The following MDGA2 variants were observed in gnomAD, a reference collection of about 807,000 sequenced individuals.
MDGA2 encodes MAM domain-containing glycosylphosphatidylinositol anchor protein 2.
Under a neutral mutation model 117.8 loss-of-function variants are expected in MDGA2, and 40 were observed. That is an observed-to-expected ratio of 0.34 (90% CI 0.26 to 0.44). The LOEUF is 0.44. MDGA2 is among the 20% of genes least tolerant of loss of function. The pLI is 1.00. For missense variants in MDGA2, 1,123 were observed against 1,250.6 expected (o/e 0.90, Z 1.54); for synonymous variants, 452 against 439.0 (o/e 1.03, Z -0.37).
At chr14:46,859,288 C>T (rs1881411434) in intron 14 of MDGA2, among the ~76,000 whole-genome samples, 2 of 152,168 alleles carry the variant, frequency 1.3e-5, no homozygotes, top group Non-Finnish European at 2.9e-5. Flanking sequence ...CTTGCTCTCC[C>T]CACCTTTGTT....
intron 2 of MDGA2, among the ~76,000 whole-genome samples, chr14:47,237,491 T>G (rs1886902618): frequency 6.6e-6 from 1 of 152,138 alleles, no homozygotes; most frequent in East Asian, 1.9e-4. Flanking sequence ...TCTCAGTCAC[T>G]GAAATGGGGC....
At chr14:47,185,569 T>A (rs554281912) in intron 3 of MDGA2, among the ~76,000 whole-genome samples, 150 of 151,532 alleles carry the variant, frequency 9.9e-4, no homozygotes, top group African/African-American at 3.4e-3. Context: ...CTCAATAAAA[T>A]TAAATGAGAG....
chr14:47,248,760 G>C (rs1396602460), intron 2 of MDGA2, among the ~76,000 whole-genome samples: 1 of 151,798 alleles, frequency 6.6e-6, no homozygotes, highest in East Asian at 1.9e-4. Flanking sequence ...GGAGTATTAG[G>C]TTTATCAAAG....
At chr14:46,905,279 G>T (rs1247977349) in intron 10 of MDGA2, among the ~76,000 whole-genome samples, 1 of 152,102 alleles carries the variant, frequency 6.6e-6, no homozygotes. Context: ...GTTAGAAAAG[G>T]CTATTTTTAA....
intron 1 of MDGA2, among the ~76,000 whole-genome samples, chr14:47,561,271 G>T (rs1423886428): frequency 6.7e-6 from 1 of 150,330 alleles, no homozygotes; most frequent in Admixed American, 6.6e-5. Flanking sequence ...TGTGAAGAAT[G>T]TCATTGGTAG....
intron 3 of MDGA2, among the ~76,000 whole-genome samples, 189 bp from the exon 4 acceptor site, chr14:47,144,463 A>G (rs887024332): frequency 6.6e-6 from 1 of 152,142 alleles, no homozygotes; most frequent in Admixed American, 6.6e-5. Flanking sequence ...GAAGTATATT[A>G]GTATCTCTAT....
intron 8 of MDGA2, among the ~76,000 whole-genome samples, chr14:47,006,110 C>T (rs1482892465): frequency 3.3e-5 from 5 of 151,166 alleles, no homozygotes; most frequent in Non-Finnish European, 7.4e-5. Context: ...CTCTGTTTAC[C>T]AATTTGAAAT....
At chr14:47,252,344 T>C (rs1430675116) in intron 2 of MDGA2, among the ~76,000 whole-genome samples, 2 of 152,194 alleles carry the variant, frequency 1.3e-5, no homozygotes, top group African/African-American at 4.8e-5. Context: ...GGTTGTGATA[T>C]ATTTAATTGT....
intron 2 of MDGA2, among the ~76,000 whole-genome samples, chr14:47,239,205 C>T (rs747725484): frequency 5.0e-5 from 7 of 140,626 alleles, no homozygotes; most frequent in East Asian, 2.0e-4. Flanking sequence ...GTAACCTTTA[C>T]GAAAGTCAAA....
intron 10 of MDGA2, among the ~76,000 whole-genome samples, chr14:46,887,848 T>A (rs767821593): frequency 1.3e-5 from 2 of 151,932 alleles, no homozygotes; most frequent in Non-Finnish European, 2.9e-5. Flanking sequence ...CAAAAATATA[T>A]ACAGAATAAT....
rs559491534 is a variant in MDGA2, at chr14:47,392,285, T to A, written c.281-90735A>T. On this transcript the variant is annotated intron_variant, in intron 1 of 16. Transcript: ENST00000399232. Reference sequence around the variant, plus strand: ...GAAGCTTAGAAATCATTAACTTTTATCATTTCATGAAGCAAATGTTCCAGC... The same window carrying A: ...GAAGCTTAGAAATCATTAACTTTTAACATTTCATGAAGCAAATGTTCCAGC... 3.3e-5 allele frequency among the ~76,000 whole-genome samples: 5 copies of A among 152,266 alleles called. No homozygotes were observed. In the South Asian group the frequency reaches 1.0e-3, roughly 32 times the overall value.
intron 14 of MDGA2, among the ~76,000 whole-genome samples, chr14:46,869,741 A>G (rs555060551): frequency 1.3e-5 from 2 of 152,006 alleles, no homozygotes; most frequent in South Asian, 2.1e-4. Context: ...TTAGGTTATG[A>G]AAAATCCTGG....
chr14:47,649,679 C>T (rs1445157150), intron 1 of MDGA2, among the ~76,000 whole-genome samples: 1 of 106,254 alleles, frequency 9.4e-6, no homozygotes, highest in Non-Finnish European at 1.9e-5. Context: ...AGTGAGGCTT[C>T]ATCTCAAAAA....
At chr14:47,448,955 T>C (rs1313701791) in intron 1 of MDGA2, among the ~76,000 whole-genome samples, 2 of 152,144 alleles carry the variant, frequency 1.3e-5, no homozygotes. Flanking sequence ...GTTGCTGATA[T>C]GAGGAAAAAT....
At chr14:46,981,215 C>A (rs1886660375) in intron 8 of MDGA2, among the ~76,000 whole-genome samples, 1 of 151,706 alleles carries the variant, frequency 6.6e-6, no homozygotes, top group Non-Finnish European at 1.5e-5. Flanking sequence ...GCTAGCCTGA[C>A]CAACATGGTG....
chr14:47,292,966 G>A (rs1402233891), intron 2 of MDGA2, among the ~76,000 whole-genome samples: 1 of 152,100 alleles, frequency 6.6e-6, no homozygotes, highest in African/African-American at 2.4e-5. Flanking sequence ...TCTATATTGA[G>A]TCTGTTGGTG....
intron 1 of MDGA2, among the ~76,000 whole-genome samples, chr14:47,413,746 T>TGA (rs1405583024): frequency 6.6e-6 from 1 of 151,684 alleles, no homozygotes; most frequent in Admixed American, 6.6e-5. Flanking sequence ...AATCCCTCAT[T>TGA]GGGATTAAAC....
chr14:47,440,306 G>A (rs898307885), intron 1 of MDGA2, among the ~76,000 whole-genome samples: 1 of 152,086 alleles, frequency 6.6e-6, no homozygotes, highest in Non-Finnish European at 1.5e-5. Flanking sequence ...TCTCTGAAGT[G>A]TGATCTCCAC....
At chr14:47,505,509 T>C (rs1894492164) in intron 1 of MDGA2, among the ~76,000 whole-genome samples, 1 of 152,178 alleles carries the variant, frequency 6.6e-6, no homozygotes, top group African/African-American at 2.4e-5. Context: ...TTTTAAAAAA[T>C]GCCTGTTGCA....
Sources: gnomAD v4.1 joint callset for allele counts (sites outside exome capture counted in the v4.1 genomes callset) on GRCh38, gnomAD v4.1.1 for gene constraint, MANE v1.5 for transcripts, NCBI Gene and HGNC (gene_info 2026-07-23, HGNC 2026-07-21) for gene names.